Variants in NISCH observed in about 807,000 individuals in gnomAD.
The protein encoded by NISCH is I-1 receptor candidate protein.
In NISCH, 55 loss-of-function variants were observed where a neutral mutation model predicts 138.4. The ratio of observed to expected loss-of-function variants is 0.40; its 90% CI spans 0.32 to 0.50. NISCH has a LOEUF of 0.50. Ranked by LOEUF, NISCH falls within the 20% of genes least tolerant of loss-of-function variation. The pLI is 0.71. For missense variants in NISCH, 1,643 were observed against 2,005.5 expected, an observed-to-expected ratio of 0.82 and a Z score of 3.45; for synonymous variants, 860 against 861.5, an observed-to-expected ratio of 1.00 and a Z score of 0.03.
At chr3:52,483,269 C>T (rs964650460) in intron 13 of NISCH, among the ~76,000 whole-genome samples, 1 of 152,124 alleles carries the variant, frequency 6.6e-6, no homozygotes, top group African/African-American at 2.4e-5. Context: ...TGTCCTGTCC[C>T]GGGGAGCAGC....
At chr3:52,460,280 A>G (rs994827042) in intron 3 of NISCH, among the ~76,000 whole-genome samples, 2 of 151,898 alleles carry the variant, frequency 1.3e-5, no homozygotes, top group Non-Finnish European at 2.9e-5. Context: ...GGAAAATAAA[A>G]CAAAAAAGAA....
At chr3:52,470,700 A>G in intron 3 of NISCH, 159 bp from the exon 4 acceptor site, 1 of 682,342 alleles carries the variant, frequency 1.5e-6, no homozygotes, top group South Asian at 1.7e-5. Flanking sequence ...TTCCCTTTCT[A>G]AGCTTCTTGC....
chr3:52,481,235 G>A, intron 13 of NISCH: 2 of 1,110,486 alleles, frequency 1.8e-6, no homozygotes, highest in Non-Finnish European at 2.2e-6. Context: ...AGAGTCGGCT[G>A]TGGTGCAGAA....
At chr3:52,486,806 C>T (rs1041395357) in intron 15 of NISCH, among the ~76,000 whole-genome samples, 4 of 152,206 alleles carry the variant, frequency 2.6e-5, no homozygotes, top group Non-Finnish European at 2.9e-5. Flanking sequence ...TTCCCTGCCC[C>T]GGAGGCCACC....
At position 52,492,665 on chromosome 3, in the gene NISCH, G is replaced by A. The variant is rs745722276; in HGVS notation, c.*183G>A. 340 of 819,214 alleles carry A rather than the reference G, an allele frequency of 4.2e-4. 1 individual carries two copies. The highest frequency in any genetic ancestry group is 4.2e-4 in the Non-Finnish European group (230 of 542,282). The allele number at this position is 819,214 out of a possible 1,614,324, so 50.7% of individuals were successfully genotyped here. On this transcript the variant is annotated 3_prime_UTR_variant, in exon 21 of 21. Coordinates refer to ENST00000345716, the MANE Select transcript of NISCH (RefSeq NM_007184.4). ...TTCTCATGTTGGGAGTGAGAATGCC[G>A]GGCCCCTCAGGGCTGTCGGTGTGCT... is the stretch of plus-strand genomic sequence containing the variant.
chr3:52,457,826 T>C lies in NISCH; in HGVS notation c.94-17T>C, dbSNP rs1005872002. On this transcript the variant is annotated splice_polypyrimidine_tract_variant and intron_variant, in intron 1 of 20. Transcript: ENST00000345716. The stretch of plus-strand genomic sequence containing the variant: ...CTGGGCTCCCTTGCCACAAGGGCTG[T>C]TGGTTTCCCCTTTTAGGTTTACATC... 26 of 1,598,022 alleles carry C rather than the reference T, an allele frequency of 1.6e-5. No individual in the cohort carries two copies. The highest frequency in any genetic ancestry group is 2.1e-5 in the Non-Finnish European group (25 of 1,166,524).
Position 52,467,398 on chromosome 3 carries a change from C to T in NISCH, c.361-3461C>T, listed in dbSNP as rs553303736. On this transcript the variant is annotated intron_variant, in intron 3 of 20. Coordinates refer to ENST00000345716, the MANE Select transcript of NISCH (RefSeq NM_007184.4). ...ACAGATGGGGTAGGGCATGTGGGCT[C>T]GGGCCACTCACACCCCACCCCGCCT... Among the ~76,000 whole-genome samples the T allele has an allele frequency of 1.8e-4, 27 of 152,308 alleles. No homozygotes were observed. The South Asian group carries it at 2.7e-3, about 15-fold the overall frequency.
chr3:52,460,239 A>G (rs1193756787), intron 3 of NISCH, among the ~76,000 whole-genome samples: 1 of 149,972 alleles, frequency 6.7e-6, no homozygotes, highest in Non-Finnish European at 1.5e-5. Flanking sequence ...GGCTGAGCAC[A>G]GTGGCTCATG....
intron 3 of NISCH, among the ~76,000 whole-genome samples, chr3:52,467,515 G>C (rs990782319): frequency 1.3e-5 from 2 of 152,160 alleles, no homozygotes; most frequent in African/African-American, 4.8e-5. Flanking sequence ...CATGTGCTAG[G>C]TTTGGGGGCT....
intron 3 of NISCH, among the ~76,000 whole-genome samples, chr3:52,464,042 A>G (rs1706711428): frequency 6.6e-6 from 1 of 151,738 alleles, no homozygotes; most frequent in Admixed American, 6.6e-5. Context: ...CTCTTTTCAT[A>G]TGATATTTGG....
chr3:52,489,414 A>G lies in NISCH; in HGVS notation c.3192A>G (p.Ala1064=). Residue 1064 remains alanine, a synonymous_variant, in exon 17 of 21, where the codon GCA becomes GCG. Coordinates refer to ENST00000345716, the MANE Select transcript of NISCH (RefSeq NM_007184.4). Reference sequence around the variant, plus strand: ...CGGAAGTCCCAGCTCCAGCCCCTGCAGCAGCCTCAGCCTCAGGCCCAGCGA... The same window carrying G: ...CGGAAGTCCCAGCTCCAGCCCCTGCGGCAGCCTCAGCCTCAGGCCCAGCGA... The part of the protein sequence containing the change: ...APAEVPAPAP[A]AASASGPAKT... 1.9e-6 allele frequency: 3 copies of G among 1,605,316 alleles called. No homozygotes were observed. The highest frequency in any genetic ancestry group is 2.6e-6 in the Non-Finnish European group (3 of 1,173,278).
intron 13 of NISCH, chr3:52,480,676 TTACTG>T: frequency 7.0e-7 from 1 of 1,422,222 alleles, no homozygotes; most frequent in Non-Finnish European, 9.1e-7. Flanking sequence ...GCTTGTGACT[TTACTG>T]TCTGGAGCCC....
At position 52,479,843 on chromosome 3, in the gene NISCH, T is replaced by C. The variant is rs1175420110; in HGVS notation, c.1397T>C (p.Leu466Pro). The C allele has an allele frequency of 1.9e-6, 3 of 1,613,284 alleles. No individual in the cohort carries two copies. Among genetic ancestry groups the C allele is most frequent in the Non-Finnish European group, 2.5e-6 (3 of 1,179,642 alleles). Residue 466 changes from leucine (L) to proline (P), a missense_variant, in exon 12 of 21, where the codon CTG becomes CCG. Leu to Pro is a moderately conservative substitution (Grantham distance 98). Coordinates refer to ENST00000345716, the MANE Select transcript of NISCH (RefSeq NM_007184.4). ...IQKAKEVKSK[L>P]SNPEKKGGED... is the part of the protein sequence containing the mutation. ...AAAGCCAAGGAGGTCAAGTCCAAAC[T>C]GAGCAACCCAGAGAAGAAGGTGGGT...
intron 13 of NISCH, chr3:52,481,800 G>A: frequency 1.0e-6 from 1 of 985,498 alleles, no homozygotes; most frequent in Non-Finnish European, 1.2e-6. Flanking sequence ...CTCCCCTTGT[G>A]CCCTGGGGAC....
chr3:52,478,227 T>C lies in NISCH; in HGVS notation c.1118T>C (p.Leu373Pro). Residue 373 changes from leucine (L) to proline (P), a missense_variant, in exon 10 of 21, where the codon CTG becomes CCG. Physicochemically the swap from Leu to Pro is moderately conservative, Grantham distance 98 (BLOSUM62 -3). Coordinates refer to ENST00000345716, the MANE Select transcript of NISCH (RefSeq NM_007184.4). ...AGNLLESLSG[L>P]HKLYSLVNLD... ...AACCTCCTAGAGAGTCTGAGTGGCCTGCACAAGCTCTACTCACTGGTCAAC... is the reference window on the plus strand; with the variant it reads ...AACCTCCTAGAGAGTCTGAGTGGCCCGCACAAGCTCTACTCACTGGTCAAC... The C allele has an allele frequency of 1.2e-6, 2 of 1,614,146 alleles. No individual in the cohort carries two copies. The highest frequency in any genetic ancestry group is 1.7e-6 in the Non-Finnish European group (2 of 1,179,982).
intron 1 of NISCH, among the ~76,000 whole-genome samples, chr3:52,456,711 G>A (rs1298440824): frequency 1.3e-5 from 2 of 152,238 alleles, no homozygotes; most frequent in Non-Finnish European, 2.9e-5. Flanking sequence ...CAAGGGGAAG[G>A]AATCAGGCAG....
chr3:52,484,462 T>TTGGGGCGCC, intron 13 of NISCH, 51 bp from the exon 14 acceptor site: 5 of 788,668 alleles, frequency 6.3e-6, no homozygotes, highest in Non-Finnish European at 7.3e-6. Flanking sequence ...ACAGCCGCTC[T>TTGGGGCGCC]CCCCGCCCCA....
intron 18 of NISCH, 83 bp downstream of exon 18, chr3:52,490,314 G>A: frequency 6.7e-7 from 1 of 1,494,722 alleles, no homozygotes; most frequent in Non-Finnish European, 9.1e-7. Flanking sequence ...GGAGCCAGCT[G>A]TGTGGCTTCA....
chr3:52,455,887 G>A (rs1336789077), intron 1 of NISCH, among the ~76,000 whole-genome samples, 153 bp downstream of exon 1: 1 of 151,976 alleles, frequency 6.6e-6, no homozygotes, highest in Non-Finnish European at 1.5e-5. Context: ...GGGGATCTAG[G>A]AAAGGGATCT....
Sources: gnomAD v4.1 joint callset for allele counts (sites outside exome capture counted in the v4.1 genomes callset) on GRCh38, gnomAD v4.1.1 for gene constraint, MANE v1.5 for transcripts, NCBI Gene and HGNC (gene_info 2026-07-23, HGNC 2026-07-21) for gene names.